BCAS3: variants seen among roughly 807,000 people sequenced by gnomAD.
The protein encoded by BCAS3 is BCAS4/BCAS3 fusion.
A neutral mutation model predicts 116.1 loss-of-function variants in BCAS3; 53 were observed. The ratio of observed to expected loss-of-function variants is 0.46; its 90% CI spans 0.37 to 0.57. The LOEUF is 0.57. BCAS3 is among the 20% of genes least tolerant of loss of function. The pLI, the probability that BCAS3 is intolerant of heterozygous loss-of-function variation, is 0.00. For missense variants in BCAS3, 917 were observed against 1,165.4 expected, an observed-to-expected ratio of 0.79 and a Z score of 3.10; for synonymous variants, 391 against 408.2, an observed-to-expected ratio of 0.96 and a Z score of 0.51.
At chr17:61,290,009 G>A (rs933595282) in intron 22 of BCAS3, among the ~76,000 whole-genome samples, 1 of 152,116 alleles carries the variant, frequency 6.6e-6, no homozygotes, top group African/African-American at 2.4e-5. Flanking sequence ...CAAAAGGTCT[G>A]GGACACTAAA....
rs1325569589 is a variant in BCAS3 at position 61,171,964 on chromosome 17, T to C, written c.2425+87400T>C. On this transcript the variant is annotated intron_variant, in intron 22 of 23. Transcript: ENST00000407086. This position sits in a 1 kb window ranked among gnomAD's most constrained non-coding sequence, Gnocchi z 4.1. ...AAGCTTTAAAAAGCAGGAATGGCTATATTAATAGACAAAGTAGACTTCAGA... is the reference window on the plus strand; with the variant it reads ...AAGCTTTAAAAAGCAGGAATGGCTACATTAATAGACAAAGTAGACTTCAGA... 6.6e-6 allele frequency among the ~76,000 whole-genome samples: 1 copy of C among 152,124 alleles called. No individual in the cohort carries two copies. Among genetic ancestry groups the C allele is most frequent in the Non-Finnish European group, 1.5e-5 (1 of 68,036 alleles).
intron 4 of BCAS3, among the ~76,000 whole-genome samples, chr17:60,692,478 G>A (rs559614716): frequency 2.6e-5 from 4 of 152,148 alleles, no homozygotes; most frequent in South Asian, 4.2e-4. Context: ...TCCTGACCTC[G>A]TGATCCGCCC....
At chr17:60,941,552 T>C (rs933364061) in intron 13 of BCAS3, among the ~76,000 whole-genome samples, 3 of 152,148 alleles carry the variant, frequency 2.0e-5, no homozygotes, top group African/African-American at 7.2e-5. Context: ...CTTTAAATTT[T>C]TTATATTATT....
At chr17:61,074,282 G>C (rs958903034) in intron 19 of BCAS3, among the ~76,000 whole-genome samples, 11 of 151,932 alleles carry the variant, frequency 7.2e-5, no homozygotes, top group South Asian at 6.2e-4. Flanking sequence ...GACAGACAGA[G>C]TGAGTGAGTC....
chr17:60,792,995 T>G (rs186862458), intron 6 of BCAS3, among the ~76,000 whole-genome samples: 4 of 152,346 alleles, frequency 2.6e-5, no homozygotes, highest in Admixed American at 2.0e-4. Flanking sequence ...CATGTAATAT[T>G]TATCTTTTTA....
chr17:60,815,268 G>A (rs1293702466), intron 7 of BCAS3, among the ~76,000 whole-genome samples: 1 of 152,056 alleles, frequency 6.6e-6, no homozygotes. Flanking sequence ...CACAGGAAGG[G>A]GAACATCACA....
intron 22 of BCAS3, among the ~76,000 whole-genome samples, chr17:61,170,352 G>A (rs2078767547): frequency 6.6e-6 from 1 of 150,888 alleles, no homozygotes; most frequent in African/African-American, 2.4e-5. Flanking sequence ...GAGTGCAGTG[G>A]TGCGACCTTG....
At chr17:61,310,325 A>C (rs1211365706) in intron 22 of BCAS3, among the ~76,000 whole-genome samples, 3 of 152,180 alleles carry the variant, frequency 2.0e-5, no homozygotes, top group Non-Finnish European at 4.4e-5. Flanking sequence ...AGGCCACAGC[A>C]CGTGGATCAC....
intron 14 of BCAS3, among the ~76,000 whole-genome samples, chr17:60,986,476 C>A (rs562483240): frequency 4.6e-5 from 7 of 152,274 alleles, no homozygotes; most frequent in African/African-American, 1.7e-4. Context: ...TGAGGGTTCC[C>A]TTTTCTCCAC....
At chr17:61,210,053 C>T (rs1321899754) in intron 22 of BCAS3, among the ~76,000 whole-genome samples, 1 of 152,182 alleles carries the variant, frequency 6.6e-6, no homozygotes, top group East Asian at 1.9e-4. Flanking sequence ...CTTCAGCCCA[C>T]GCAGGGAAGT....
At position 61,332,389 on chromosome 17, in the gene BCAS3, T is replaced by G. The variant is rs1488393532; in HGVS notation, c.2426-35938T>G. On this transcript the variant is annotated intron_variant, in intron 22 of 23. Transcript: ENST00000407086. The surrounding 1 kb of genome is among the most constrained non-coding windows in gnomAD (Gnocchi z 5.4). ...TCCCTCCACCATCCGAGAGGTCAGC[T>G]TCCTTCACCATGGGAGCCCCTGCTT... Among the ~76,000 whole-genome samples, 1 of 152,024 alleles carries G rather than the reference T, an allele frequency of 6.6e-6. No homozygotes were observed. The highest frequency in any genetic ancestry group is 2.4e-5 in the African/African-American group (1 of 41,422).
intron 22 of BCAS3, among the ~76,000 whole-genome samples, chr17:61,163,430 GAAAAA>G (rs11438901): frequency 6.9e-6 from 1 of 144,288 alleles, no homozygotes; most frequent in Non-Finnish European, 1.5e-5. Flanking sequence ...TCTCAGAAAG[GAAAAA>G]AAAAAAAAAA....
rs190236828 is a variant in BCAS3, at chr17:61,122,970, T to C, written c.2425+38406T>C. ...TTTTTTTTTTTTTTGAGATGGAGTTTTGCTTTTGTTGCCCAGGCTGGAGTG... is the reference window on the plus strand; with the variant it reads ...TTTTTTTTTTTTTTGAGATGGAGTTCTGCTTTTGTTGCCCAGGCTGGAGTG... On this transcript the variant is annotated intron_variant, in intron 22 of 23. Transcript: ENST00000407086. The surrounding 1 kb of genome is among the most constrained non-coding windows in gnomAD (Gnocchi z 4.6). Among the ~76,000 whole-genome samples the C allele has an allele frequency of 3.6e-3, 552 of 151,556 alleles. 9 individuals carry two copies. The highest frequency in any genetic ancestry group is 0.029 in the Admixed American group (448 of 15,228).
Position 61,056,936 on chromosome 17 carries a change from G to T in BCAS3, c.2029+16044G>T, listed in dbSNP as rs2069446168. 6.6e-6 allele frequency among the ~76,000 whole-genome samples: 1 copy of T among 152,142 alleles called. No homozygotes were observed. On this transcript the variant is annotated intron_variant, in intron 19 of 23. Transcript: ENST00000407086. The surrounding 1 kb of genome is among the most constrained non-coding windows in gnomAD (Gnocchi z 4.9). ...GGATTATAGCACTGTTTGACAAATTGCTCACTAAATACATCAAAATTGATT... is the reference window on the plus strand; with the variant it reads ...GGATTATAGCACTGTTTGACAAATTTCTCACTAAATACATCAAAATTGATT...
intron 4 of BCAS3, among the ~76,000 whole-genome samples, chr17:60,708,021 GT>G (rs1227652737): frequency 1.3e-5 from 2 of 152,050 alleles, no homozygotes; most frequent in African/African-American, 4.8e-5. Context: ...CTTCTCTTCT[GT>G]TTTTTAGAAA....
At chr17:61,107,990 G>A (rs2074784111) in intron 22 of BCAS3, among the ~76,000 whole-genome samples, 1 of 152,164 alleles carries the variant, frequency 6.6e-6, no homozygotes, top group Admixed American at 6.5e-5. Context: ...CAATATATGA[G>A]AAATCTACCT....
At chr17:61,150,120 A>G (rs533766926) in intron 22 of BCAS3, among the ~76,000 whole-genome samples, 6 of 152,324 alleles carry the variant, frequency 3.9e-5, no homozygotes, top group African/African-American at 9.6e-5. Context: ...TAAACAGCCA[A>G]TAATTCTTTG....
Position 61,261,154 on chromosome 17 carries a change from T to G in BCAS3, c.2426-107173T>G, listed in dbSNP as rs2049167998. On this transcript the variant is annotated intron_variant, in intron 22 of 23. Coordinates refer to ENST00000407086, the MANE Select transcript of BCAS3 (RefSeq NM_017679.5). The surrounding 1 kb of genome is among the most constrained non-coding windows in gnomAD (Gnocchi z 4.4). The stretch of plus-strand genomic sequence containing the variant: ...ATCAGAATATAAAGAGTCAGAAACT[T>G]AAAACCAGACTAAAAAGGGCCAACC... Among the ~76,000 whole-genome samples, 1 of 152,102 alleles carries G rather than the reference T, an allele frequency of 6.6e-6. No homozygotes were observed. Among genetic ancestry groups the G allele is most frequent in the Admixed American group, 6.5e-5 (1 of 15,274 alleles).
chr17:61,364,204 C>G lies in BCAS3; in HGVS notation c.2426-4123C>G, dbSNP rs2058609813. Among the ~76,000 whole-genome samples the G allele has an allele frequency of 6.6e-6, 1 of 152,178 alleles. No homozygotes were observed. On this transcript the variant is annotated intron_variant, in intron 22 of 23. Transcript: ENST00000407086. This position sits in a 1 kb window ranked among gnomAD's most constrained non-coding sequence, Gnocchi z 5.4. ...CTTCTGATATCTCCCATCTTCGCTC[C>G]TCAACTTCCTAGCTGTGCGCATGCG...
Sources: allele counts gnomAD v4.1 joint callset (sites outside exome capture counted in the v4.1 genomes callset), GRCh38; gene constraint gnomAD v4.1.1; non-coding constraint Gnocchi (gnomAD v3.1); transcripts MANE v1.5; gene names NCBI Gene and HGNC (gene_info 2026-07-23, HGNC 2026-07-21).